The following MICAL3 variants were observed in gnomAD, a reference collection of about 807,000 sequenced individuals.
MICAL3 encodes microtubule associated monooxygenase, calponin and LIM domain containing 3, also known as [F-actin]-monooxygenase MICAL3.
In MICAL3, 62 loss-of-function variants were observed where a neutral mutation model predicts 207.4. The observed-to-expected ratio is 0.30, with a 90% confidence interval of 0.24 to 0.37. MICAL3 has a LOEUF of 0.37. MICAL3 is among the 10% of genes least tolerant of loss of function. MICAL3 has a pLI of 1.00. For synonymous variants in MICAL3, 1,077 were observed against 1,069.3 expected (o/e 1.01, Z -0.14); for missense variants, 2,368 against 2,635.6 (o/e 0.90, Z 2.22).
chr22:17,894,575 G>A (rs1379253265), intron 10 of MICAL3, among the ~76,000 whole-genome samples: 2 of 151,826 alleles, frequency 1.3e-5, no homozygotes, highest in Non-Finnish European at 2.9e-5. Context: ...ACGGTGGGCA[G>A]ATCACAAGGT....
At chr22:17,807,155 G>C (rs1423224931) in intron 29 of MICAL3, among the ~76,000 whole-genome samples, 2 of 152,252 alleles carry the variant, frequency 1.3e-5, no homozygotes, top group Non-Finnish European at 2.9e-5. Flanking sequence ...AGTGATTTGT[G>C]GAGAAGGGCA....
intron 1 of MICAL3, among the ~76,000 whole-genome samples, chr22:17,984,333 C>T (rs909006365): frequency 3.3e-5 from 5 of 152,242 alleles, no homozygotes; most frequent in South Asian, 2.1e-4. Context: ...GCCAACACTG[C>T]GCTCGACACA....
At chr22:17,982,443 T>G (rs1935956244) in intron 1 of MICAL3, among the ~76,000 whole-genome samples, 1 of 152,072 alleles carries the variant, frequency 6.6e-6, no homozygotes, top group Non-Finnish European at 1.5e-5. Context: ...TTGGGAGAGG[T>G]GGGTGGATCA....
chr22:17,945,263 G>A (rs915261913), intron 1 of MICAL3, among the ~76,000 whole-genome samples: 2 of 152,086 alleles, frequency 1.3e-5, no homozygotes, highest in Non-Finnish European at 2.9e-5. Flanking sequence ...CGGTGGTGGT[G>A]TAAAACGACT....
chr22:17,825,316 C>T (rs916912953), intron 22 of MICAL3, among the ~76,000 whole-genome samples: 5 of 152,250 alleles, frequency 3.3e-5, no homozygotes, highest in Middle Eastern at 3.4e-3. Flanking sequence ...TTGAAAGGGA[C>T]ACAGCTTGAG....
chr22:17,843,479 T>C (rs1425489319), intron 19 of MICAL3, among the ~76,000 whole-genome samples: 1 of 152,198 alleles, frequency 6.6e-6, no homozygotes, highest in African/African-American at 2.4e-5. Context: ...CACCAGTAGT[T>C]GGCTGAAGGG....
intron 1 of MICAL3, chr22:17,983,519 C>G (rs8138042): frequency 1.3e-5 from 2 of 151,984 alleles, no homozygotes; most frequent in Non-Finnish European, 1.5e-5. Context: ...GGATGGAGAC[C>G]GGCAGTGTCC....
At chr22:17,873,867 C>G (rs896836416) in intron 16 of MICAL3, among the ~76,000 whole-genome samples, 31 of 152,362 alleles carry the variant, frequency 2.0e-4, no homozygotes, top group African/African-American at 7.5e-4. Flanking sequence ...ATGGCCACAC[C>G]ACCATGTGGG....
intron 29 of MICAL3, among the ~76,000 whole-genome samples, chr22:17,798,656 T>C (rs1319509266): frequency 6.6e-6 from 1 of 150,852 alleles, no homozygotes; most frequent in Non-Finnish European, 1.5e-5. Context: ...TAATGATAAA[T>C]AGTGTTGGAG....
chr22:17,817,508 C>A lies in MICAL3; in HGVS notation c.5153G>T (p.Gly1718Val), dbSNP rs369509066. The change falls in exon 26 of 32, where the codon GGC (glycine) becomes GTC (valine). Residue 1718 changes from glycine to valine, a missense_variant. By Grantham distance (109) the Gly-to-Val change is moderately radical (BLOSUM62 -3). Transcript: ENST00000441493. ...GGAGCTGGGCTTCTCCGGGGGCCGG[C>A]CCTCGCCTTTGGACTTCTTCTCCTT... ...NKKEKKSKGEGRPPEKPSSNL... is the reference protein window; with the variant it reads ...NKKEKKSKGEVRPPEKPSSNL... The A allele has an allele frequency of 1.7e-5, 28 of 1,613,532 alleles. No homozygotes were observed. The African/African-American group carries it at 3.7e-4, about 22-fold the overall frequency.
intron 1 of MICAL3, among the ~76,000 whole-genome samples, chr22:17,973,148 G>A (rs5992931): frequency 0.18 from 27,796 of 152,234 alleles, 2,794 homozygotes; most frequent in Middle Eastern, 0.27. Context: ...CCACCCAGAT[G>A]GGGGGAAAAG....
intron 1 of MICAL3, among the ~76,000 whole-genome samples, chr22:17,952,410 A>G (rs1015175694): frequency 6.6e-6 from 1 of 152,026 alleles, no homozygotes; most frequent in Non-Finnish European, 1.5e-5. Context: ...GCCTGGCTCC[A>G]CCCCACCCTG....
At chr22:17,835,703 G>C (rs1923287124) in intron 20 of MICAL3, among the ~76,000 whole-genome samples, 1 of 152,222 alleles carries the variant, frequency 6.6e-6, no homozygotes, top group African/African-American at 2.4e-5. Flanking sequence ...CTCCCAGGAG[G>C]GACGGGGTCA....
At chr22:17,821,148 T>C (rs966591430) in intron 25 of MICAL3, among the ~76,000 whole-genome samples, 3 of 152,024 alleles carry the variant, frequency 2.0e-5, no homozygotes, top group African/African-American at 7.3e-5. Context: ...GGACTCAGGT[T>C]TGGGATCAGA....
At chr22:17,876,074 C>T (rs1371545313) in intron 16 of MICAL3, among the ~76,000 whole-genome samples, 3 of 152,186 alleles carry the variant, frequency 2.0e-5, no homozygotes, top group Non-Finnish European at 4.4e-5. Context: ...CTCTTCCTTC[C>T]ACTTAGTGCT....
At position 17,956,044 on chromosome 22, in the gene MICAL3, TGA is replaced by T. The variant is rs540137958; in HGVS notation, c.-74-49160_-74-49159del. ...GAAAATGTCCAGGAAGAGGGGCTCC[TGA>T]GAGAGTGTCCTCTGAAATTCCTGGT... On this transcript the variant is annotated intron_variant, in intron 1 of 31. Coordinates refer to ENST00000441493, the MANE Select transcript of MICAL3 (RefSeq NM_015241.3). 1.6e-4 allele frequency among the ~76,000 whole-genome samples: 25 copies of T among 152,362 alleles called. No homozygotes were observed. In the East Asian group the frequency reaches 4.4e-3, roughly 27 times the overall value.
chr22:17,990,706 C>G (rs1921583260), intron 1 of MICAL3, among the ~76,000 whole-genome samples: 1 of 152,168 alleles, frequency 6.6e-6, no homozygotes, highest in Non-Finnish European at 1.5e-5. Context: ...AGATCTCAGG[C>G]AAGTCATCTA....
Position 17,810,806 on chromosome 22 carries a change from G to C in MICAL3, c.5453C>G (p.Thr1818Ser). 2 of 1,613,720 alleles carry C rather than the reference G, an allele frequency of 1.2e-6. No homozygotes were observed. Among genetic ancestry groups the C allele is most frequent in the Non-Finnish European group, 1.7e-6 (2 of 1,179,694 alleles). The stretch of plus-strand genomic sequence containing the variant: ...GGCATTCAGTTCCTCCTCCGTGTAG[G>C]TTCTTGGCTGGAGAGAACAAGAGAA... ...SSQKSRREPR[T>S]YTEEELNAKL... The change falls in exon 28 of 32, where the codon ACC becomes AGC. Residue 1818 changes from threonine (T) to serine (S), a missense_variant. Coordinates refer to ENST00000441493, the MANE Select transcript of MICAL3 (RefSeq NM_015241.3).
chr22:17,791,597 G>A (rs1359939546), intron 29 of MICAL3: 2 of 430,732 alleles, frequency 4.6e-6, no homozygotes, highest in Admixed American at 7.3e-5. Flanking sequence ...CTCTTAGGAT[G>A]ACTTACATTG....
Sources: gnomAD v4.1 joint callset for allele counts (sites outside exome capture counted in the v4.1 genomes callset) on GRCh38, gnomAD v4.1.1 for gene constraint, MANE v1.5 for transcripts, NCBI Gene and HGNC (gene_info 2026-07-23, HGNC 2026-07-21) for gene names.